The following DENND3 variants were observed in gnomAD, a reference collection of about 807,000 sequenced individuals.
DENND3 encodes DENN domain-containing protein 3.
DENND3 carries 88 observed loss-of-function variants against 135.1 expected under a neutral mutation model. The ratio of observed to expected loss-of-function variants is 0.65; its 90% CI spans 0.55 to 0.78. The LOEUF is 0.78. DENND3 is among the 30% of genes least tolerant of loss of function. DENND3 has a pLI of 0.00. For missense variants in DENND3, 1,392 were observed against 1,688.4 expected, an observed-to-expected ratio of 0.82 and a Z score of 3.08; for synonymous variants, 693 against 712.3, an observed-to-expected ratio of 0.97 and a Z score of 0.43.
chr8:141,138,408 T>C lies in DENND3; in HGVS notation c.501+271T>C, dbSNP rs12675533. ...TGCTTGCTTTTTTTTTTTATTGAGATGGAGTCTTGCTCTGTCATCCAGGCT... is the reference window on the plus strand; with the variant it reads ...TGCTTGCTTTTTTTTTTTATTGAGACGGAGTCTTGCTCTGTCATCCAGGCT... On this transcript the variant is annotated intron_variant, in intron 3 of 22. Transcript: ENST00000519811. This position sits in a 1 kb window ranked among gnomAD's most constrained non-coding sequence, Gnocchi z 4.8. Among the ~76,000 whole-genome samples the C allele has an allele frequency of 4.6e-5, 7 of 151,850 alleles. No individual in the cohort carries two copies. In the East Asian group the frequency reaches 1.2e-3, roughly 25 times the overall value.
At chr8:141,155,642 A>G (rs1589604651) in intron 7 of DENND3, among the ~76,000 whole-genome samples, 2 of 152,252 alleles carry the variant, frequency 1.3e-5, no homozygotes, top group Admixed American at 6.5e-5. Context: ...CCTGGGCTCA[A>G]GCAGTCTGCC....
At chr8:141,140,588 GCTGA>G (rs1225086964) in intron 3 of DENND3, among the ~76,000 whole-genome samples, 3 of 152,182 alleles carry the variant, frequency 2.0e-5, no homozygotes, top group Non-Finnish European at 4.4e-5. Flanking sequence ...AAATGATGTA[GCTGA>G]CTGTTTCCTG....
chr8:141,173,906 G>GTGGGACCCCATATAGAGTGGATTC lies in DENND3; in HGVS notation c.2276-1290_2276-1267dup, dbSNP rs1821983153. ...CTCATAAGGTGGCTGTAAGGATTCA[G>GTGGGACCCCATATAGAGTGGATTC]TGGGACCCCATATAGAGTGGATTCT... On this transcript the variant is annotated intron_variant, in intron 13 of 22. Transcript: ENST00000519811. Among the ~76,000 whole-genome samples, 4 of 152,324 alleles carry GTGGGACCCCATATAGAGTGGATTC rather than the reference G, an allele frequency of 2.6e-5. No homozygotes were observed. The South Asian group carries it at 8.3e-4, about 32-fold the overall frequency.
At position 141,154,160 on chromosome 8, in the gene DENND3, C is replaced by T. The variant is rs992410897; in HGVS notation, c.1075-1689C>T. Among the ~76,000 whole-genome samples the T allele has an allele frequency of 6.6e-6, 1 of 152,232 alleles. No homozygotes were observed. The highest frequency in any genetic ancestry group is 2.4e-5 in the African/African-American group (1 of 41,458). On this transcript the variant is annotated intron_variant, in intron 7 of 22. Transcript: ENST00000519811. The surrounding 1 kb of genome is among the most constrained non-coding windows in gnomAD (Gnocchi z 4.4). ...GTTTGCACATATTTCATGTAGCCAC[C>T]TGAACTGCACTCCAAAGGGCGGGGC...
rs1416253509 is a variant in DENND3, at chr8:141,138,671, C to T, written c.501+534C>T. On this transcript the variant is annotated intron_variant, in intron 3 of 22. Transcript: ENST00000519811. The surrounding 1 kb of genome is among the most constrained non-coding windows in gnomAD (Gnocchi z 4.8). ...AAAGTGCTGGGATTACAGGTGTGAG[C>T]GCTGCGCCCGGCCGGCTAATCCCCT... Among the ~76,000 whole-genome samples, 2 of 152,142 alleles carry T rather than the reference C, an allele frequency of 1.3e-5. No individual in the cohort carries two copies. Among genetic ancestry groups the T allele is most frequent in the East Asian group, 3.9e-4 (2 of 5,184 alleles).
In DENND3 at chr8:141,164,838, G is replaced by A. The variant is rs1471586407; in HGVS notation, c.1450-348G>A. The stretch of plus-strand genomic sequence containing the variant: ...TCTCGTCCAGCATCTGAAAACAGTC[G>A]TTTCCTCTTTTTTATCGAGTTTCCT... On this transcript the variant is annotated intron_variant, in intron 10 of 22. Transcript: ENST00000519811. 4.6e-5 allele frequency among the ~76,000 whole-genome samples: 7 copies of A among 152,316 alleles called. No homozygotes were observed. The South Asian group carries it at 1.2e-3, about 27-fold the overall frequency.
chr8:141,161,214 A>T (rs1384862997), intron 9 of DENND3, among the ~76,000 whole-genome samples: 1 of 152,190 alleles, frequency 6.6e-6, no homozygotes, highest in Non-Finnish European at 1.5e-5. Context: ...CAGTCCGTGG[A>T]GGGCTCTGTC....
At chr8:141,151,944 T>C in intron 7 of DENND3, 107 bp downstream of exon 7, 1 of 1,372,936 alleles carries the variant, frequency 7.3e-7, no homozygotes, top group Admixed American at 1.8e-5. Context: ...GCGGGGTCTG[T>C]GTGCCGCAGA....
intron 9 of DENND3, 42 bp downstream of exon 9, chr8:141,160,829 A>G: frequency 1.9e-6 from 3 of 1,582,924 alleles, no homozygotes; most frequent in Non-Finnish European, 2.6e-6. Context: ...GGAGGTAACC[A>G]GCCAGCCATC....
chr8:141,177,691 T>A (rs990479999), intron 15 of DENND3: 1 of 173,458 alleles, frequency 5.8e-6, no homozygotes. Context: ...CGTGGGCCAG[T>A]GGACTGTCTT....
At chr8:141,183,419 A>ATTT (rs1224506549) in intron 17 of DENND3, among the ~76,000 whole-genome samples, 3 of 121,640 alleles carry the variant, frequency 2.5e-5, no homozygotes, top group African/African-American at 2.9e-5. Context: ...CAATTTTTGT[A>ATTT]TTTTTTTTTT....
At chr8:141,151,904 A>G (rs1818836109) in intron 7 of DENND3, 67 bp downstream of exon 7, 2 of 1,580,330 alleles carry the variant, frequency 1.3e-6, no homozygotes, top group South Asian at 1.1e-5. Context: ...ACACATGGGA[A>G]GATGCGTCTG....
chr8:141,178,035 G>A (rs1365566656), intron 15 of DENND3, 32 bp from the exon 16 acceptor site: 2 of 1,581,798 alleles, frequency 1.3e-6, no homozygotes, highest in Non-Finnish European at 1.7e-6. Flanking sequence ...AGTGATTCTT[G>A]CTGTTTTGAA....
Position 141,177,888 on chromosome 8 carries a change from G to A in DENND3, c.2707-179G>A, listed in dbSNP as rs947396044. 3.9e-6 allele frequency: 3 copies of A among 760,736 alleles called. No homozygotes were observed. The African/African-American group carries it at 5.3e-5, about 13-fold the overall frequency. The allele number at this position is 760,736 out of a possible 1,614,324, so 47.1% of individuals were successfully genotyped here. ...GCCCTGGTATAAACAATCAATATTTGTCTTAAGTAAGAGAAGAAATATATG... is the reference window on the plus strand; with the variant it reads ...GCCCTGGTATAAACAATCAATATTTATCTTAAGTAAGAGAAGAAATATATG... On this transcript the variant is annotated intron_variant, in intron 15 of 22. Transcript: ENST00000519811.
In DENND3 at chr8:141,185,171, G is replaced by A. The variant is rs575982056; in HGVS notation, c.2977G>A (p.Ala993Thr). Residue 993 changes from alanine to threonine, a missense_variant, in exon 18 of 23, where the codon GCT becomes ACT. Transcript: ENST00000519811. Reference protein sequence around the residue: ...HLDPAEKVEDAHPKLWCALSE... With the variant: ...HLDPAEKVEDTHPKLWCALSE... Reference sequence around the variant, plus strand: ...TGACCCAGCCGAAAAAGTTGAAGATGCTCACCCCAAGTTATGGTGTGCTCT... The same window carrying A: ...TGACCCAGCCGAAAAAGTTGAAGATACTCACCCCAAGTTATGGTGTGCTCT... 1.9e-6 allele frequency: 3 copies of A among 1,614,070 alleles called. No individual in the cohort carries two copies. The highest frequency in any genetic ancestry group is 2.2e-5 in the East Asian group (1 of 44,888).
At position 141,165,428 on chromosome 8, in the gene DENND3, A is replaced by G. The variant is rs1357241684; in HGVS notation, c.1553+139A>G. The G allele has an allele frequency of 4.6e-5, 28 of 606,212 alleles. 1 individual carries two copies. In the Admixed American group the frequency reaches 9.0e-4, roughly 19 times the overall value. 37.6% of individuals were successfully genotyped at this position (606,212 alleles called of 1,614,324 possible). On this transcript the variant is annotated intron_variant, in intron 11 of 22. Coordinates refer to ENST00000519811, the MANE Select transcript of DENND3 (RefSeq NM_001352890.3). ...AGAAACTCATGATGAACTGGGCGAC[A>G]GCTAGGAAGCTCTTCTCTCCATGTT...
chr8:141,160,614 C>T lies in DENND3; in HGVS notation c.1197-18C>T, dbSNP rs186161863. The T allele has an allele frequency of 1.1e-4, 182 of 1,582,814 alleles. 1 individual carries two copies. Among genetic ancestry groups the T allele is most frequent in the Middle Eastern group, 6.4e-4 (3 of 4,678 alleles). On this transcript the variant is annotated intron_variant, in intron 8 of 22. Coordinates refer to ENST00000519811, the MANE Select transcript of DENND3 (RefSeq NM_001352890.3). The stretch of plus-strand genomic sequence containing the variant: ...AGTGCTGCTGGGGCTGAGCTAGCTT[C>T]GGTCTGCCTCCTTCCAGGGTGCAGA...
At chr8:141,178,027 T>A in intron 15 of DENND3, 40 bp from the exon 16 acceptor site, 10 of 1,576,734 alleles carry the variant, frequency 6.3e-6, no homozygotes, top group Non-Finnish European at 8.7e-6. Context: ...CTGATCTTAG[T>A]GATTCTTGCT....
Position 141,141,481 on chromosome 8 carries a change from G to A in DENND3, c.623+157G>A, listed in dbSNP as rs1589554049. 6.3e-5 allele frequency: 53 copies of A among 847,142 alleles called. No homozygotes were observed. The South Asian group carries it at 8.4e-4, about 13-fold the overall frequency. 52.5% of individuals were successfully genotyped at this position (847,142 alleles called of 1,614,324 possible). A position where few individuals can be genotyped will look rare whatever the true frequency, so the allele number is the denominator to read the frequency against. ...CCGGGCGCTGGGGGCAGTAGGAGGG[G>A]CAGTTCTCTGTGCCTCTTAGGCTGT... On this transcript the variant is annotated intron_variant, in intron 4 of 22. Coordinates refer to ENST00000519811, the MANE Select transcript of DENND3 (RefSeq NM_001352890.3). This position sits in a 1 kb window ranked among gnomAD's most constrained non-coding sequence, Gnocchi z 5.3.
Sources: gnomAD v4.1 joint callset for allele counts (sites outside exome capture counted in the v4.1 genomes callset) on GRCh38, gnomAD v4.1.1 for gene constraint, Gnocchi (gnomAD v3.1) non-coding constraint, MANE v1.5 for transcripts, NCBI Gene and HGNC (gene_info 2026-07-23, HGNC 2026-07-21) for gene names.